The following LRRIQ1 variants were observed in gnomAD, a reference collection of about 807,000 sequenced individuals.
LRRIQ1 encodes the protein leucine rich repeats and IQ motif containing 1, also known as leucine-rich repeat- and IQ domain-containing protein 1.
LRRIQ1 carries 210 observed loss-of-function variants against 211.9 expected under a neutral mutation model. The ratio of observed to expected loss-of-function variants is 0.99; its 90% CI spans 0.89 to 1.11. The LOEUF is 1.11. Ranked by LOEUF, LRRIQ1 falls within the 50% of genes most tolerant of loss-of-function variation. The probability of loss-of-function intolerance (pLI) is 0.00; values close to 1 mark genes in which losing one functional copy is unlikely to be tolerated. For synonymous variants in LRRIQ1, 699 were observed against 650.1 expected, an observed-to-expected ratio of 1.08 and a Z score of -1.14; for missense variants, 2,136 against 1,939.5, an observed-to-expected ratio of 1.10 and a Z score of -1.90.
rs780226987 is a variant in LRRIQ1 at position 85,038,272 on chromosome 12, T to G, written c.96T>G (p.Asp32Glu). The G allele has an allele frequency of 6.3e-7, 1 of 1,583,866 alleles. No homozygotes were observed. The highest frequency in any genetic ancestry group is 1.8e-5 in the Admixed American group (1 of 56,868). Residue 32 changes from aspartate (D) to glutamate (E), a missense_variant, in exon 2 of 27, where the codon GAT (aspartate) becomes GAG (glutamate). Coordinates refer to ENST00000393217, the MANE Select transcript of LRRIQ1 (RefSeq NM_001079910.2). ...SSLEKEDIES[D>E]AKSETQSDDS... ...TGGAAAAAGAAGACATTGAGAGTGA[T>G]GCAAAATCAGAAACCCAGAGTGATG... is the stretch of plus-strand genomic sequence containing the variant.
At chr12:85,093,846 G>A (rs1056075037) in intron 11 of LRRIQ1, among the ~76,000 whole-genome samples, 2 of 152,110 alleles carry the variant, frequency 1.3e-5, no homozygotes, top group East Asian at 1.9e-4. Flanking sequence ...TCCTTTCTCC[G>A]AGCTGCTGCA....
intron 26 of LRRIQ1, chr12:85,233,089 G>T (rs991819588): frequency 6.4e-5 from 14 of 217,758 alleles, no homozygotes; most frequent in Middle Eastern, 1.7e-3. Context: ...ATAACTGGAG[G>T]AAATACCAAA....
intron 1 of LRRIQ1, among the ~76,000 whole-genome samples, chr12:85,257,056 A>AATTAT (rs1555231354): frequency 2.7e-4 from 32 of 117,746 alleles, no homozygotes; most frequent in African/African-American, 9.1e-4. Flanking sequence ...TTATATATAT[A>AATTAT]ATTATATAAT....
intron 1 of LRRIQ1, among the ~76,000 whole-genome samples, chr12:85,261,075 A>G (rs1181812826): frequency 6.6e-6 from 1 of 152,152 alleles, no homozygotes; most frequent in African/African-American, 2.4e-5. Context: ...TAGTCTCTCT[A>G]CTGAGATTTG....
chr12:85,122,618 CT>C lies in LRRIQ1; in HGVS notation c.3557+743del, dbSNP rs374473312. ...ACTTCCAAATGTCTAAATTTTCCTA[CT>C]AAATTATATTCTTAAGGTTTTGCTA... On this transcript the variant is annotated intron_variant, in intron 16 of 26. Coordinates refer to ENST00000393217, the MANE Select transcript of LRRIQ1 (RefSeq NM_001079910.2). Among the ~76,000 whole-genome samples the C allele has an allele frequency of 8.5e-4, 130 of 152,150 alleles. 4 individuals are homozygous for C. The South Asian group carries it at 0.026, about 31-fold the overall frequency.
intron 23 of LRRIQ1, among the ~76,000 whole-genome samples, chr12:85,157,419 T>C (rs552491413): frequency 5.3e-5 from 8 of 151,940 alleles, no homozygotes; most frequent in Non-Finnish European, 1.2e-4. Flanking sequence ...AGTAATTGCT[T>C]TTAACCTCTT....
In LRRIQ1 at chr12:85,038,210, A is replaced by T. The variant is rs1469147160; in HGVS notation, c.34A>T (p.Ile12Leu). The T allele has an allele frequency of 2.5e-6, 4 of 1,582,468 alleles. No homozygotes were observed. The highest frequency in any genetic ancestry group is 1.8e-5 in the Admixed American group (1 of 56,680). Residue 12 changes from isoleucine to leucine, a missense_variant, in exon 2 of 27, where the codon ATA (isoleucine) becomes TTA (leucine). Ile to Leu is a conservative substitution (Grantham distance 5, BLOSUM62 2). Transcript: ENST00000393217. ...TGATGATGCAAAGCTCAAAGCAGAA[A>T]TAGAAGCTGAATTGGATAAACTCAG... ...DDDDAKLKAEIEAELDKLSIS... is the reference protein window; with the variant it reads ...DDDDAKLKAELEAELDKLSIS...
intron 26 of LRRIQ1, 117 bp downstream of exon 26, chr12:85,232,873 G>A: frequency 5.8e-6 from 4 of 686,084 alleles, no homozygotes; most frequent in South Asian, 1.8e-5. Flanking sequence ...TATCTATTTG[G>A]GATAATATCA....
intron 18 of LRRIQ1, among the ~76,000 whole-genome samples, chr12:85,136,016 A>G (rs965458021): frequency 1.1e-4 from 16 of 151,970 alleles, no homozygotes; most frequent in African/African-American, 3.6e-4. Flanking sequence ...GTACATATTG[A>G]TGTTTTGAAA....
At chr12:85,065,883 A>G (rs1882376579) in intron 9 of LRRIQ1, among the ~76,000 whole-genome samples, 1 of 151,880 alleles carries the variant, frequency 6.6e-6, no homozygotes. Flanking sequence ...TGTCCGGAAG[A>G]TGGGAATCTC....
At chr12:85,175,417 A>G in intron 24 of LRRIQ1, among the ~76,000 whole-genome samples, 1 of 152,274 alleles carries the variant, frequency 6.6e-6, no homozygotes, top group East Asian at 1.9e-4. Context: ...TCTAAAGTAA[A>G]TACTAAAGAG....
chr12:85,059,123 A>G (rs1881483486), intron 8 of LRRIQ1, among the ~76,000 whole-genome samples: 1 of 151,792 alleles, frequency 6.6e-6, no homozygotes, highest in Non-Finnish European at 1.5e-5. Context: ...TTTCTTTTTG[A>G]CTTTCTGATC....
rs372873075 is a variant in LRRIQ1 at position 85,169,382 on chromosome 12, G to T, written c.4822+8668G>T. ...AATTGAAGATCAGGAGCTATGTTTT[G>T]ATTTTTTTAATGTGATATGATAGCT... is the stretch of plus-strand genomic sequence containing the variant. On this transcript the variant is annotated intron_variant, in intron 24 of 26. Coordinates refer to ENST00000393217, the MANE Select transcript of LRRIQ1 (RefSeq NM_001079910.2). 2.0e-5 allele frequency among the ~76,000 whole-genome samples: 3 copies of T among 152,024 alleles called. No homozygotes were observed. The South Asian group carries it at 6.2e-4, about 32-fold the overall frequency.
intron 11 of LRRIQ1, among the ~76,000 whole-genome samples, chr12:85,084,712 C>T (rs948170317): frequency 6.6e-6 from 1 of 151,608 alleles, no homozygotes; most frequent in South Asian, 2.1e-4. Context: ...GATCACCTGA[C>T]GTCAGGAGTT....
rs1565793971 is a variant in LRRIQ1 at position 85,056,929 on chromosome 12, A to G, written c.2136A>G (p.Ser712=). Residue 712 remains serine, a synonymous_variant, in exon 8 of 27, where the codon TCA becomes TCG. Transcript: ENST00000393217. ...TTAAATCTGAGATTAGAAATATTTC[A>G]GAAAAATGCCATGAAAATGCACCTG... The part of the protein sequence containing the change: ...NSLKSEIRNI[S]EKCHENAPEP... 1.2e-6 allele frequency: 2 copies of G among 1,613,054 alleles called. No individual in the cohort carries two copies. The highest frequency in any genetic ancestry group is 8.5e-7 in the Non-Finnish European group (1 of 1,179,408).
downstream of LRRIQ1, among the ~76,000 whole-genome samples, chr12:85,249,763 C>T (rs1895849823): frequency 1.3e-5 from 2 of 151,834 alleles, no homozygotes; most frequent in East Asian, 3.9e-4. Context: ...CATTCATGGA[C>T]TTCTTTATAA....
intron 24 of LRRIQ1, among the ~76,000 whole-genome samples, chr12:85,199,195 T>C (rs965811704): frequency 6.6e-6 from 1 of 152,182 alleles, no homozygotes; most frequent in Non-Finnish European, 1.5e-5. Flanking sequence ...CCAGGTCCCA[T>C]GTGCCAGATG....
intron 23 of LRRIQ1, 52 bp downstream of exon 23, chr12:85,154,146 A>G: frequency 1.1e-6 from 1 of 951,540 alleles, no homozygotes; most frequent in Non-Finnish European, 1.5e-6. Flanking sequence ...AATTGAAGAT[A>G]ACTTCTTTAA....
chr12:85,232,072 A>G (rs1299626748), intron 25 of LRRIQ1, among the ~76,000 whole-genome samples: 1 of 152,166 alleles, frequency 6.6e-6, no homozygotes, highest in Non-Finnish European at 1.5e-5. Context: ...AAATTTTGAT[A>G]TACTTAAATA....
Sources: gnomAD v4.1 joint callset for allele counts (sites outside exome capture counted in the v4.1 genomes callset) on GRCh38, gnomAD v4.1.1 for gene constraint, MANE v1.5 for transcripts, NCBI Gene and HGNC (gene_info 2026-07-23, HGNC 2026-07-21) for gene names.